The following ADAMTS18 variants were observed in gnomAD, a reference collection of about 807,000 sequenced individuals.
ADAMTS18 encodes the protein ADAM metallopeptidase with thrombospondin type 1 motif 18, also known as A disintegrin and metalloproteinase with thrombospondin motifs 18.
Under a neutral mutation model 165.9 loss-of-function variants are expected in ADAMTS18, and 157 were observed. That is an observed-to-expected ratio of 0.95 (90% CI 0.83 to 1.08). The LOEUF (loss-of-function observed/expected upper bound fraction) is 1.08, where lower values mean the gene tolerates loss of function less well. Among genes scored for constraint, ADAMTS18 ranks in the 50% least tolerant of loss-of-function variants. The pLI is 0.00. For missense variants in ADAMTS18, 2,040 were observed against 1,534.0 expected (o/e 1.33, Z -5.51); for synonymous variants, 782 against 578.2 (o/e 1.35, Z -5.06).
chr16:77,424,097 C>A (rs2091235906), intron 3 of ADAMTS18, among the ~76,000 whole-genome samples: 2 of 152,130 alleles, frequency 1.3e-5, no homozygotes, highest in African/African-American at 4.8e-5. Context: ...AAAACCAAGG[C>A]CCAGAGACAT....
At chr16:77,335,973 C>T in intron 11 of ADAMTS18, 69 bp from the exon 12 acceptor site, 1 of 1,585,774 alleles carries the variant, frequency 6.3e-7, no homozygotes, top group Non-Finnish European at 8.7e-7. Context: ...GTTGCCAACA[C>T]CTGCACAGTA....
At chr16:77,298,689 C>A (rs182765983) in intron 17 of ADAMTS18, among the ~76,000 whole-genome samples, 12 of 152,106 alleles carry the variant, frequency 7.9e-5, no homozygotes, top group Admixed American at 2.0e-4. Flanking sequence ...CTACTTAGGA[C>A]GGTGAGGTAG....
Position 77,341,815 on chromosome 16 carries a change from A to AG in ADAMTS18, c.1615-17dup, listed in dbSNP as rs749458670. ...TGCAAATATCCTGAAATAAAAAAAAAGGGGGGTGCTGTTAATGGTGATATA... is the reference window on the plus strand; with the variant it reads ...TGCAAATATCCTGAAATAAAAAAAAAGGGGGGGTGCTGTTAATGGTGATATA... On this transcript the variant is annotated splice_polypyrimidine_tract_variant and intron_variant, in intron 10 of 22. Transcript: ENST00000282849. 4.5e-6 allele frequency: 7 copies of AG among 1,549,062 alleles called. No individual in the cohort carries two copies. Among genetic ancestry groups the AG allele is most frequent in the Admixed American group, 3.4e-5 (2 of 58,886 alleles).
chr16:77,332,838 C>A (rs1207003903), intron 12 of ADAMTS18, among the ~76,000 whole-genome samples: 1 of 152,150 alleles, frequency 6.6e-6, no homozygotes, highest in East Asian at 1.9e-4. Flanking sequence ...GTGGGACTTT[C>A]TGTGTTTGAA....
chr16:77,407,922 A>G (rs2057413406), intron 3 of ADAMTS18, among the ~76,000 whole-genome samples: 1 of 152,148 alleles, frequency 6.6e-6, no homozygotes, highest in Non-Finnish European at 1.5e-5. Flanking sequence ...ATTGCGAGAA[A>G]TTAAAATTTA....
chr16:77,345,509 C>T (rs1238540448), intron 10 of ADAMTS18, among the ~76,000 whole-genome samples: 3 of 152,192 alleles, frequency 2.0e-5, no homozygotes, highest in Admixed American at 6.5e-5. Context: ...TGTTCCAAGC[C>T]ACCCGACATG....
intron 10 of ADAMTS18, among the ~76,000 whole-genome samples, chr16:77,346,037 A>G (rs941862377): frequency 6.6e-6 from 1 of 151,916 alleles, no homozygotes; most frequent in East Asian, 1.9e-4. Context: ...CAACACTCAA[A>G]TTTTGCTCCC....
intron 3 of ADAMTS18, among the ~76,000 whole-genome samples, chr16:77,377,412 G>C (rs977804184): frequency 1.3e-5 from 2 of 152,168 alleles, no homozygotes; most frequent in African/African-American, 4.8e-5. Flanking sequence ...TAAGTGATTT[G>C]TATCCCACTA....
In ADAMTS18 at chr16:77,295,128, C is replaced by T; in HGVS notation, c.2802-1G>A. On this transcript the variant is annotated splice_acceptor_variant, in intron 18 of 22. Transcript: ENST00000282849. LOFTEE classifies it high-confidence loss of function. ...TGTACTCCATTCACCTGGCATCCAG[C>T]TTTCAGTGCAAAACAAACATTACCA... is the stretch of plus-strand genomic sequence containing the variant. 6.2e-7 allele frequency: 1 copy of T among 1,614,160 alleles called. No individual in the cohort carries two copies. The highest frequency in any genetic ancestry group is 8.5e-7 in the Non-Finnish European group (1 of 1,180,022).
chr16:77,350,790 A>G (rs1273830246), intron 10 of ADAMTS18, among the ~76,000 whole-genome samples: 1 of 152,090 alleles, frequency 6.6e-6, no homozygotes, highest in Non-Finnish European at 1.5e-5. Flanking sequence ...GGGACGAGAC[A>G]TTTCTCACAA....
At chr16:77,336,875 C>G (rs953405271) in intron 11 of ADAMTS18, among the ~76,000 whole-genome samples, 2 of 152,220 alleles carry the variant, frequency 1.3e-5, no homozygotes, top group Non-Finnish European at 2.9e-5. Flanking sequence ...CTGCTCTTTT[C>G]TAAAAGCCTC....
At chr16:77,332,953 G>A (rs1351070222) in intron 12 of ADAMTS18, among the ~76,000 whole-genome samples, 2 of 152,174 alleles carry the variant, frequency 1.3e-5, no homozygotes, top group Non-Finnish European at 2.9e-5. Context: ...CTGTCAACAC[G>A]TGTTGATGTA....
chr16:77,382,692 T>G (rs72801654), intron 3 of ADAMTS18, among the ~76,000 whole-genome samples: 7 of 152,180 alleles, frequency 4.6e-5, no homozygotes, highest in African/African-American at 1.2e-4. Context: ...AGGTTATCAT[T>G]TGGAAAACAC....
intron 5 of ADAMTS18, 52 bp downstream of exon 5, chr16:77,364,136 A>G (rs576064680): frequency 1.2e-4 from 192 of 1,609,240 alleles, no homozygotes; most frequent in South Asian, 3.0e-4. Flanking sequence ...AGAGAATTCC[A>G]TGACATTTAT....
rs1207901619 is a variant in ADAMTS18 at position 77,320,230 on chromosome 16, T to C, written c.2288-137A>G. ...ATTATCTAAATTCATTCTTACTCTA[T>C]GAAGTAAACATGATCAATGATTTCA... On this transcript the variant is annotated intron_variant, in intron 15 of 22. Transcript: ENST00000282849. 4 of 1,078,586 alleles carry C rather than the reference T, an allele frequency of 3.7e-6. No individual in the cohort carries two copies. The East Asian group carries it at 9.8e-5, about 27-fold the overall frequency. 66.8% of individuals were successfully genotyped at this position (1,078,586 alleles called of 1,614,324 possible).
At chr16:77,345,579 G>C (rs185283385) in intron 10 of ADAMTS18, among the ~76,000 whole-genome samples, 1 of 152,134 alleles carries the variant, frequency 6.6e-6, no homozygotes, top group South Asian at 2.1e-4. Flanking sequence ...CCCTTGCCCA[G>C]TTTATTCTCA....
chr16:77,422,023 T>C (rs1452661054), intron 3 of ADAMTS18, among the ~76,000 whole-genome samples: 1 of 152,198 alleles, frequency 6.6e-6, no homozygotes, highest in Non-Finnish European at 1.5e-5. Context: ...ATGTATGTTT[T>C]AACCACACAC....
intron 3 of ADAMTS18, among the ~76,000 whole-genome samples, chr16:77,425,638 A>T (rs2057661725): frequency 6.6e-6 from 1 of 152,228 alleles, no homozygotes. Flanking sequence ...CCCAACGGGA[A>T]CACATGTCCA....
At chr16:77,294,843 G>A in intron 19 of ADAMTS18, 80 bp downstream of exon 19, 1 of 1,342,352 alleles carries the variant, frequency 7.4e-7, no homozygotes, top group Non-Finnish European at 1.1e-6. Context: ...ACTGCCAAGA[G>A]CCCAGTGGAG....
Sources: gnomAD v4.1 joint callset for allele counts (sites outside exome capture counted in the v4.1 genomes callset) on GRCh38, gnomAD v4.1.1 for gene constraint, MANE v1.5 for transcripts, NCBI Gene and HGNC (gene_info 2026-07-23, HGNC 2026-07-21) for gene names.